EYA1: variants seen among roughly 807,000 people sequenced by gnomAD.
EYA1 encodes the protein EYA transcriptional coactivator and phosphatase 1, also known as protein phosphatase EYA1.
EYA1 carries 16 observed loss-of-function variants against 82.0 expected under a neutral mutation model. The ratio of observed to expected loss-of-function variants is 0.20; its 90% CI spans 0.13 to 0.30. The LOEUF (loss-of-function observed/expected upper bound fraction) is 0.30, where lower values mean the gene tolerates loss of function less well. Among genes scored for constraint, EYA1 ranks in the 10% least tolerant of loss-of-function variants. The pLI is 1.00. For synonymous variants in EYA1, 261 were observed against 264.4 expected (o/e 0.99, Z 0.12); for missense variants, 633 against 730.7 (o/e 0.87, Z 1.54).
chr8:71,250,081 G>T (rs1445137854), intron 11 of EYA1, among the ~76,000 whole-genome samples: 3 of 150,352 alleles, frequency 2.0e-5, no homozygotes, highest in African/African-American at 7.3e-5. Flanking sequence ...GTGGATATTT[G>T]GTATGGTCTC....
intron 1 of EYA1, among the ~76,000 whole-genome samples, chr8:71,358,197 T>C (rs1290268102): frequency 1.3e-5 from 2 of 152,224 alleles, no homozygotes; most frequent in African/African-American, 4.8e-5. Flanking sequence ...GATTTATATT[T>C]GTACTTTAAC....
In EYA1 at chr8:71,277,115, A is replaced by ATTTTTTTTT. The variant is rs9298167; in HGVS notation, c.827-5227_827-5219dup. On this transcript the variant is annotated intron_variant, in intron 9 of 17. Coordinates refer to ENST00000340726, the MANE Select transcript of EYA1 (RefSeq NM_000503.6). The stretch of plus-strand genomic sequence containing the variant: ...GCCATGCTATTTCATGGCTTCACAC[A>ATTTTTTTTT]TTTTTTTTTTTTTTTTTTTTTTTTT... Among the ~76,000 whole-genome samples the ATTTTTTTTT allele has an allele frequency of 1.2e-3, 95 of 76,960 alleles. 1 individual carries two copies. The highest frequency in any genetic ancestry group is 1.8e-3 in the Non-Finnish European group (78 of 43,438). The allele number at this position is 76,960 out of a possible 152,430, so 50.5% of individuals were successfully genotyped here.
upstream of EYA1, among the ~76,000 whole-genome samples, chr8:71,364,399 A>T (rs1827620689): frequency 6.6e-6 from 1 of 152,000 alleles, no homozygotes; most frequent in South Asian, 2.1e-4. Flanking sequence ...CCTATGATAA[A>T]GAGCCACATT....
chr8:71,444,976 T>C (rs1432115444), intron 2 of EYA1, among the ~76,000 whole-genome samples: 1 of 152,236 alleles, frequency 6.6e-6, no homozygotes. Context: ...TGTGTGAAAT[T>C]GGAGAGAAGT....
At chr8:71,326,741 C>T (rs1231633301) in intron 4 of EYA1, among the ~76,000 whole-genome samples, 1 of 152,162 alleles carries the variant, frequency 6.6e-6, no homozygotes, top group African/African-American at 2.4e-5. Context: ...AATCCTGGCA[C>T]AGTTAATCCT....
chr8:71,268,716 T>C (rs1375752581), intron 11 of EYA1, among the ~76,000 whole-genome samples: 1 of 152,200 alleles, frequency 6.6e-6, no homozygotes, highest in South Asian at 2.1e-4. Context: ...ACCTTTGAGA[T>C]GATGAAAAGG....
chr8:71,215,528 A>G lies in EYA1; in HGVS notation c.1476-20T>C. On this transcript the variant is annotated intron_variant, in intron 15 of 17. Coordinates refer to ENST00000340726, the MANE Select transcript of EYA1 (RefSeq NM_000503.6). ...TTTGTCCTATGAGAACAAAAAGAAA[A>G]CAAAGACTGTTGAAAAATAAATCTC... is the stretch of plus-strand genomic sequence containing the variant. 1 of 1,613,372 alleles carries G rather than the reference A, an allele frequency of 6.2e-7. No individual in the cohort carries two copies. Among genetic ancestry groups the G allele is most frequent in the East Asian group, 2.2e-5 (1 of 44,858 alleles).
chr8:71,325,128 C>T (rs949541420), intron 4 of EYA1, among the ~76,000 whole-genome samples: 7 of 152,210 alleles, frequency 4.6e-5, no homozygotes, highest in Non-Finnish European at 1.5e-5. Flanking sequence ...AGCTTCAACT[C>T]CCTCCTGGGT....
intron 2 of EYA1, among the ~76,000 whole-genome samples, chr8:71,492,382 G>A (rs1354400249): frequency 6.6e-6 from 1 of 152,174 alleles, no homozygotes; most frequent in East Asian, 1.9e-4. Context: ...GGAAGAGATG[G>A]TAGCAGGAGA....
chr8:71,513,038 T>C (rs901918251), intron 2 of EYA1, among the ~76,000 whole-genome samples: 36 of 152,240 alleles, frequency 2.4e-4, no homozygotes, highest in Middle Eastern at 3.4e-3. Context: ...TAGTGTAATC[T>C]CTAAAAACAA....
At chr8:71,319,874 A>G (rs1031834254) in intron 6 of EYA1, among the ~76,000 whole-genome samples, 5 of 152,192 alleles carry the variant, frequency 3.3e-5, no homozygotes, top group African/African-American at 7.2e-5. Flanking sequence ...AGAAGTACGC[A>G]GGGCATCTCC....
At chr8:71,517,843 C>T (rs952940032) in intron 2 of EYA1, among the ~76,000 whole-genome samples, 63 of 151,002 alleles carry the variant, frequency 4.2e-4, no homozygotes, top group African/African-American at 1.5e-3. Context: ...ATTTTAATTA[C>T]TTAAATTCCT....
chr8:71,469,444 G>T (rs143446932), intron 2 of EYA1, among the ~76,000 whole-genome samples: 7 of 152,132 alleles, frequency 4.6e-5, no homozygotes, highest in South Asian at 4.1e-4. Flanking sequence ...CAGCATTGTT[G>T]TGAGGATCAA....
intron 2 of EYA1, among the ~76,000 whole-genome samples, chr8:71,355,301 A>G (rs1826752613): frequency 6.6e-6 from 1 of 152,250 alleles, no homozygotes; most frequent in Non-Finnish European, 1.5e-5. Flanking sequence ...GCAACTATGT[A>G]AAGAAGTAAA....
At chr8:71,218,175 G>GTATT (rs1361546828) in intron 12 of EYA1, among the ~76,000 whole-genome samples, 23 of 152,246 alleles carry the variant, frequency 1.5e-4, no homozygotes, top group Admixed American at 2.6e-4. Context: ...CGCACATCCT[G>GTATT]TATTTTAAAA....
intron 2 of EYA1, among the ~76,000 whole-genome samples, chr8:71,468,803 A>G (rs551748694): frequency 6.6e-6 from 1 of 152,132 alleles, no homozygotes; most frequent in African/African-American, 2.4e-5. Flanking sequence ...GAGCTCCTAC[A>G]GCATTGAGTC....
At chr8:71,482,072 T>C (rs1197720320) in intron 2 of EYA1, among the ~76,000 whole-genome samples, 3 of 152,166 alleles carry the variant, frequency 2.0e-5, no homozygotes, top group Non-Finnish European at 4.4e-5. Context: ...TTAGAATTTC[T>C]ATTTGTCAAA....
chr8:71,515,432 A>C (rs2129261205), intron 2 of EYA1, among the ~76,000 whole-genome samples: 1 of 152,228 alleles, frequency 6.6e-6, no homozygotes, highest in Non-Finnish European at 1.5e-5. Context: ...GCTGTGTGAA[A>C]GCATTCAGTT....
chr8:71,326,726 A>G (rs1330215907), intron 4 of EYA1, among the ~76,000 whole-genome samples: 1 of 152,060 alleles, frequency 6.6e-6, no homozygotes, highest in Admixed American at 6.5e-5. Context: ...CCTTTCCCTT[A>G]ACAAAATCCT....
Sources: gnomAD v4.1 joint callset for allele counts (sites outside exome capture counted in the v4.1 genomes callset) on GRCh38, gnomAD v4.1.1 for gene constraint, MANE v1.5 for transcripts, NCBI Gene and HGNC (gene_info 2026-07-23, HGNC 2026-07-21) for gene names.